The following KHNYN variants were observed in gnomAD, a reference collection of about 807,000 sequenced individuals.
The protein encoded by KHNYN is protein KHNYN.
A neutral mutation model predicts 62.7 loss-of-function variants in KHNYN; 42 were observed. That is an observed-to-expected ratio of 0.67 (90% CI 0.52 to 0.87). The LOEUF (loss-of-function observed/expected upper bound fraction) is 0.87, where lower values mean the gene tolerates loss of function less well. Ranked by LOEUF, KHNYN falls within the 40% of genes least tolerant of loss-of-function variation. KHNYN has a pLI of 0.00. For missense variants in KHNYN, 829 were observed against 874.1 expected, an observed-to-expected ratio of 0.95 and a Z score of 0.65; for synonymous variants, 347 against 345.6, an observed-to-expected ratio of 1.00 and a Z score of -0.04.
At position 24,436,168 on chromosome 14, in the gene KHNYN, C is replaced by A. The variant is rs2043200925; in HGVS notation, c.1674C>A (p.Ile558=). ...LAEESEKWMA[I]IRERLLPFTF... ...AGGAGTCTGAGAAGTGGATGGCAAT[C>A]ATCAGAGAACGGTGAGGGAGCCCTC... is the stretch of plus-strand genomic sequence containing the variant. Residue 558 remains isoleucine, a synonymous_variant, in exon 6 of 8, where the codon ATC becomes ATA. Transcript: ENST00000553935. The A allele has an allele frequency of 1.9e-6, 3 of 1,613,166 alleles. No individual in the cohort carries two copies. The highest frequency in any genetic ancestry group is 1.7e-5 in the Admixed American group (1 of 60,012).
At chr14:24,430,560 C>T (rs1368857262) in intron 1 of KHNYN, 154 bp from the exon 2 acceptor site, 11 of 1,427,398 alleles carry the variant, frequency 7.7e-6, no homozygotes, top group Non-Finnish European at 1.0e-5. Context: ...CATACACCCT[C>T]CCTACCTCCA....
At chr14:24,428,929 C>A, upstream of KHNYN, 2 of 1,558,952 alleles carry the variant, frequency 1.3e-6, no homozygotes, top group Admixed American at 1.9e-5. Flanking sequence ...GGCACTCCCC[C>A]TCCAGCAGGA....
rs376778676 is a variant in KHNYN at position 24,431,794 on chromosome 14, C to A, written c.533C>A (p.Ala178Asp). 3.7e-6 allele frequency: 6 copies of A among 1,613,972 alleles called. No homozygotes were observed. The highest frequency in any genetic ancestry group is 5.1e-6 in the Non-Finnish European group (6 of 1,180,034). Residue 178 changes from alanine to aspartate, a missense_variant, in exon 3 of 8, where the codon GCT (alanine) becomes GAT (aspartate). Transcript: ENST00000553935. The stretch of plus-strand genomic sequence containing the variant: ...TCCCCGGGGGATGCCCATAGAGAGG[C>A]TCTGTTGCAGTTGCCCCTGGCTGTC... Reference protein sequence around the residue: ...LQSPGDAHREALLQLPLAVQE... With the variant: ...LQSPGDAHREDLLQLPLAVQE...
Position 24,441,254 on chromosome 14 carries a change from A to G in KHNYN, c.*3969A>G. 1 of 463,124 alleles carries G rather than the reference A, an allele frequency of 2.2e-6. No individual in the cohort carries two copies. The highest frequency in any genetic ancestry group is 2.1e-5 in the South Asian group (1 of 47,100). 28.7% of individuals were successfully genotyped at this position (463,124 alleles called of 1,614,324 possible). On this transcript the variant is annotated 3_prime_UTR_variant, in exon 8 of 8. Coordinates refer to ENST00000553935, the MANE Select transcript of KHNYN (RefSeq NM_015299.3). ...AAGTTACTTAACCTCTCTGTATAGAATTTTCACATCTTTAAAATGGGAATA... is the reference window on the plus strand; with the variant it reads ...AAGTTACTTAACCTCTCTGTATAGAGTTTTCACATCTTTAAAATGGGAATA...
Position 24,441,293 on chromosome 14 carries a change from C to G in KHNYN, c.*4008C>G. 2 of 446,910 alleles carry G rather than the reference C, an allele frequency of 4.5e-6. No homozygotes were observed. Among genetic ancestry groups the G allele is most frequent in the Non-Finnish European group, 8.1e-6 (2 of 246,044 alleles). 27.7% of individuals were successfully genotyped at this position (446,910 alleles called of 1,614,324 possible). On this transcript the variant is annotated 3_prime_UTR_variant, in exon 8 of 8. Coordinates refer to ENST00000553935, the MANE Select transcript of KHNYN (RefSeq NM_015299.3). Reference sequence around the variant, plus strand: ...AAAATGGGAATAATAGTACCTACCTCATAGGGTTGTTGTAAGGAATAAATG... The same window carrying G: ...AAAATGGGAATAATAGTACCTACCTGATAGGGTTGTTGTAAGGAATAAATG...
the KHNYN span, among the ~76,000 whole-genome samples, chr14:24,424,281 G>A: frequency 1.3e-5 from 2 of 152,128 alleles, no homozygotes; most frequent in African/African-American, 4.8e-5. Flanking sequence ...TGAATTTTTG[G>A]TTGGGACCTG....
In KHNYN at chr14:24,431,823, G is replaced by C. The variant is rs1207959073; in HGVS notation, c.562G>C (p.Glu188Gln). Reference sequence around the variant, plus strand: ...GTTGCAGTTGCCCCTGGCTGTCCAGGAGGAGCTGCTGAGTCTGGTGCAGGA... The same window carrying C: ...GTTGCAGTTGCCCCTGGCTGTCCAGCAGGAGCTGCTGAGTCTGGTGCAGGA... The part of the protein sequence containing the change: ...ALLQLPLAVQ[E>Q]ELLSLVQEAS... The change falls in exon 3 of 8, where the codon GAG (glutamate) becomes CAG (glutamine). Residue 188 changes from glutamate (E) to glutamine (Q), a missense_variant. By Grantham distance (29) the Glu-to-Gln change is conservative (BLOSUM62 2). Coordinates refer to ENST00000553935, the MANE Select transcript of KHNYN (RefSeq NM_015299.3). 5 of 1,614,064 alleles carry C rather than the reference G, an allele frequency of 3.1e-6. No homozygotes were observed. The highest frequency in any genetic ancestry group is 3.3e-5 in the Admixed American group (2 of 60,032).
chr14:24,428,017 C>A (rs1594748888), upstream of KHNYN: 1 of 1,600,044 alleles, frequency 6.2e-7, no homozygotes, highest in South Asian at 1.1e-5. Flanking sequence ...AGCCCCCATT[C>A]CCCAGCCCTT....
chr14:24,427,557 T>G (rs2043032137), upstream of KHNYN: 7 of 505,606 alleles, frequency 1.4e-5, no homozygotes, highest in South Asian at 8.5e-5. This position sits in a 1 kb window ranked among gnomAD's most constrained non-coding sequence, Gnocchi z 4.4. Flanking sequence ...CAGGAACAGA[T>G]GCAGCAGGTG....
rs992081050 is a variant in KHNYN at position 24,437,167 on chromosome 14, G to T, written c.1919G>T (p.Arg640Leu). 2.5e-6 allele frequency: 4 copies of T among 1,614,042 alleles called. No homozygotes were observed. Among genetic ancestry groups the T allele is most frequent in the African/African-American group, 2.7e-5 (2 of 74,910 alleles). The change falls in exon 8 of 8, where the codon CGG (arginine) becomes CTG (leucine). Residue 640 changes from arginine (R) to leucine (L), a missense_variant. Around this residue, in one of 2 missense-constraint regions of KHNYN, gnomAD observed 270 missense variants for 347.1 expected, o/e 0.78. Coordinates refer to ENST00000553935, the MANE Select transcript of KHNYN (RefSeq NM_015299.3). The surrounding 1 kb of genome is among the most constrained non-coding windows in gnomAD (Gnocchi z 5.5). ...RKTRETERLR[R>L]QLLEVFWGQD... The stretch of plus-strand genomic sequence containing the variant: ...ACCCGGGAAACAGAGCGGCTCCGGC[G>T]GCAGCTGCTGGAGGTGTTTTGGGGT...
At chr14:24,434,177 C>T (rs532540050) in intron 5 of KHNYN, 36 of 984,834 alleles carry the variant, frequency 3.7e-5, no homozygotes, top group Non-Finnish European at 4.0e-5. Flanking sequence ...AGATTGAGTT[C>T]GTTTTAATGA....
At chr14:24,427,223 C>T (rs2043028871), upstream of KHNYN, 1 of 159,658 alleles carries the variant, frequency 6.3e-6, no homozygotes, top group Non-Finnish European at 1.4e-5. The surrounding 1 kb of genome is among the most constrained non-coding windows in gnomAD (Gnocchi z 4.4). Context: ...CTCCTTCCTT[C>T]CTCACCAGCC....
chr14:24,438,459 T>C lies in KHNYN; in HGVS notation c.*1174T>C, dbSNP rs750079335. The C allele has an allele frequency of 5.9e-5, 9 of 152,312 alleles. No individual in the cohort carries two copies. The highest frequency in any genetic ancestry group is 1.3e-4 in the Non-Finnish European group (9 of 68,038). 9.4% of individuals were successfully genotyped at this position (152,312 alleles called of 1,614,324 possible). On this transcript the variant is annotated 3_prime_UTR_variant, in exon 8 of 8. Coordinates refer to ENST00000553935, the MANE Select transcript of KHNYN (RefSeq NM_015299.3). Reference sequence around the variant, plus strand: ...ACTTAACGGAAGTTGAACCAGTTGGTTCTAGATGAACCAATTATCTGGAAA... The same window carrying C: ...ACTTAACGGAAGTTGAACCAGTTGGCTCTAGATGAACCAATTATCTGGAAA...
chr14:24,425,276 TC>T (rs916070657), upstream of KHNYN, among the ~76,000 whole-genome samples: 5 of 152,184 alleles, frequency 3.3e-5, no homozygotes, highest in African/African-American at 1.2e-4. Context: ...GTTATAAAAC[TC>T]CCAACTTCTG....
upstream of KHNYN, chr14:24,429,088 G>A: frequency 3.4e-6 from 5 of 1,463,302 alleles, no homozygotes; most frequent in Non-Finnish European, 4.5e-6. Context: ...AAGTGCCCCG[G>A]TCTTCTGCCC....
chr14:24,428,955 C>T, upstream of KHNYN: 1 of 1,552,394 alleles, frequency 6.4e-7, no homozygotes. Context: ...TCTGACCCCT[C>T]CTGGGCCCAC....
At position 24,431,526 on chromosome 14, in the gene KHNYN, C is replaced by G. The variant is rs564112127; in HGVS notation, c.265C>G (p.His89Asp). 2.5e-6 allele frequency: 4 copies of G among 1,610,138 alleles called. No homozygotes were observed. In the African/African-American group the frequency reaches 5.3e-5, roughly 21 times the overall value. Reference protein sequence around the residue: ...QDEIHYPPKLHCIFLGAQGFF... With the variant: ...QDEIHYPPKLDCIFLGAQGFF... The stretch of plus-strand genomic sequence containing the variant: ...TGAAATCCACTACCCGCCCAAACTG[C>G]ACTGCATCTTTCTGGGAGCCCAGGG... Residue 89 changes from histidine (H) to aspartate (D), a missense_variant, in exon 3 of 8, where the codon CAC becomes GAC. Transcript: ENST00000553935.
chr14:24,426,434 ATGT>A (rs1488614215), upstream of KHNYN: 2 of 152,120 alleles, frequency 1.3e-5, no homozygotes, highest in African/African-American at 2.4e-5. Context: ...ATTGTTCCTG[ATGT>A]TGTTTTTAGG....
Position 24,435,937 on chromosome 14 carries a change from T to C in KHNYN, c.1578-135T>C, listed in dbSNP as rs531548962. ...TTTTTGTAGATTTGGGGGATACCAA[T>C]ACAGTTTTGCTACATAGATATATTG... On this transcript the variant is annotated intron_variant, in intron 5 of 7. Coordinates refer to ENST00000553935, the MANE Select transcript of KHNYN (RefSeq NM_015299.3). 7.3e-5 allele frequency: 50 copies of C among 685,768 alleles called. No homozygotes were observed. The South Asian group carries it at 7.9e-4, about 11-fold the overall frequency. The allele number at this position is 685,768 out of a possible 1,614,324, so 42.5% of individuals were successfully genotyped here.
Sources: allele counts gnomAD v4.1 joint callset (sites outside exome capture counted in the v4.1 genomes callset), GRCh38; gene constraint gnomAD v4.1.1; regional missense constraint gnomAD v4.1.1; non-coding constraint Gnocchi (gnomAD v3.1); transcripts MANE v1.5; gene names NCBI Gene and HGNC (gene_info 2026-07-23, HGNC 2026-07-21).